CNTNAP2: variants seen among roughly 807,000 people sequenced by gnomAD.
CNTNAP2 encodes contactin-associated protein-like 2.
CNTNAP2 carries 98 observed loss-of-function variants against 155.2 expected under a neutral mutation model. That is an observed-to-expected ratio of 0.63 (90% CI 0.54 to 0.75). The LOEUF (loss-of-function observed/expected upper bound fraction) is 0.75. Ranked by LOEUF, CNTNAP2 falls within the 30% of genes least tolerant of loss-of-function variation. The probability of loss-of-function intolerance (pLI) is 0.00; values close to 1 mark genes in which losing one functional copy is unlikely to be tolerated. For missense variants in CNTNAP2, 1,727 were observed against 1,688.1 expected (o/e 1.02, Z -0.40); for synonymous variants, 651 against 631.2 (o/e 1.03, Z -0.47).
intron 12 of CNTNAP2, among the ~76,000 whole-genome samples, chr7:147,572,717 C>T (rs1267143958): frequency 6.6e-6 from 1 of 151,828 alleles, no homozygotes; most frequent in African/African-American, 2.4e-5. Flanking sequence ...CACACACACA[C>T]ACACACACAC....
chr7:148,410,916 C>T (rs1298299815), intron 23 of CNTNAP2, among the ~76,000 whole-genome samples: 2 of 152,152 alleles, frequency 1.3e-5, no homozygotes, highest in Non-Finnish European at 2.9e-5. Context: ...ATGTACTGTA[C>T]TTGGTTGATG....
At chr7:146,248,271 T>C (rs1799696885) in intron 1 of CNTNAP2, among the ~76,000 whole-genome samples, 3 of 151,608 alleles carry the variant, frequency 2.0e-5, no homozygotes, top group Admixed American at 2.0e-4. Context: ...GGAGAAGGGG[T>C]TGGGGGTTTC....
intron 3 of CNTNAP2, among the ~76,000 whole-genome samples, chr7:146,952,716 T>TA (rs1563018424): frequency 6.6e-6 from 1 of 152,070 alleles, no homozygotes; most frequent in African/African-American, 2.4e-5. Flanking sequence ...GAATACAACT[T>TA]ACAAGGGATG....
intron 12 of CNTNAP2, among the ~76,000 whole-genome samples, chr7:147,587,372 C>T (rs6967857): frequency 0.69 from 105,075 of 152,080 alleles, 36,866 homozygotes; most frequent in African/African-American, 0.81. Flanking sequence ...GGTGAGCCTT[C>T]CTCTGTGCAA....
At chr7:146,309,219 G>A (rs145751330) in intron 1 of CNTNAP2, among the ~76,000 whole-genome samples, 136 of 152,144 alleles carry the variant, frequency 8.9e-4, no homozygotes, top group African/African-American at 3.2e-3. Flanking sequence ...ACTTCGGAGC[G>A]AGTCATTTTG....
intron 3 of CNTNAP2, among the ~76,000 whole-genome samples, chr7:147,003,935 G>A (rs947760183): frequency 3.3e-5 from 5 of 151,988 alleles, no homozygotes; most frequent in African/African-American, 1.2e-4. Flanking sequence ...AGGTGGCTGA[G>A]GCAGAAAGAT....
intron 1 of CNTNAP2, among the ~76,000 whole-genome samples, chr7:146,506,949 C>T (rs765487492): frequency 1.3e-4 from 20 of 152,102 alleles, no homozygotes; most frequent in African/African-American, 1.9e-4. Flanking sequence ...TGTTTAGGGG[C>T]GCCTCAGGCT....
chr7:147,791,413 A>G (rs868823050), intron 13 of CNTNAP2, among the ~76,000 whole-genome samples: 1 of 147,016 alleles, frequency 6.8e-6, no homozygotes, highest in Non-Finnish European at 1.5e-5. Flanking sequence ...TTTGATATAT[A>G]TAGTCTTTCT....
chr7:146,366,476 C>G (rs980642888), intron 1 of CNTNAP2, among the ~76,000 whole-genome samples: 6 of 152,160 alleles, frequency 3.9e-5, no homozygotes, highest in African/African-American at 1.4e-4. Flanking sequence ...TGTCACATTA[C>G]TCTTCAGACA....
chr7:146,762,047 A>C (rs1802111389), intron 1 of CNTNAP2, among the ~76,000 whole-genome samples: 1 of 152,226 alleles, frequency 6.6e-6, no homozygotes, highest in Non-Finnish European at 1.5e-5. Context: ...TACATTGTTT[A>C]AGATAAATTC....
At chr7:147,050,213 G>A (rs1278643648) in intron 4 of CNTNAP2, among the ~76,000 whole-genome samples, 1 of 152,088 alleles carries the variant, frequency 6.6e-6, no homozygotes, top group African/African-American at 2.4e-5. Context: ...CGATACCAGT[G>A]GGACTTCATA....
At chr7:146,937,608 G>A (rs909427574) in intron 3 of CNTNAP2, among the ~76,000 whole-genome samples, 6 of 151,770 alleles carry the variant, frequency 4.0e-5, no homozygotes, top group Non-Finnish European at 8.8e-5. Context: ...CTGGGACAAG[G>A]CTGCAAAGGT....
intron 8 of CNTNAP2, among the ~76,000 whole-genome samples, chr7:147,216,064 C>A (rs1284259814): frequency 6.9e-6 from 1 of 145,978 alleles, no homozygotes; most frequent in Non-Finnish European, 1.5e-5. Flanking sequence ...TTAAAAGTTT[C>A]TTTTATGTTT....
chr7:148,030,436 T>C (rs1456814490), intron 15 of CNTNAP2, among the ~76,000 whole-genome samples: 1 of 152,204 alleles, frequency 6.6e-6, no homozygotes, highest in Non-Finnish European at 1.5e-5. Flanking sequence ...TTGTCTTTAA[T>C]AGTTGCAGTT....
At chr7:146,738,036 G>C (rs1801650358) in intron 1 of CNTNAP2, among the ~76,000 whole-genome samples, 3 of 152,064 alleles carry the variant, frequency 2.0e-5, no homozygotes, top group Non-Finnish European at 4.4e-5. Context: ...AATATGCCTA[G>C]TAGTGGGATT....
At chr7:148,177,742 CA>C (rs1794963956) in intron 18 of CNTNAP2, among the ~76,000 whole-genome samples, 1 of 152,114 alleles carries the variant, frequency 6.6e-6, no homozygotes, top group East Asian at 1.9e-4. Context: ...TAGTAAGAGG[CA>C]AGACTCCCTT....
intron 18 of CNTNAP2, among the ~76,000 whole-genome samples, chr7:148,176,576 C>T (rs1794940781): frequency 6.6e-6 from 1 of 152,130 alleles, no homozygotes; most frequent in South Asian, 2.1e-4. Flanking sequence ...AGTGTTAGCT[C>T]TCCCAGGGCT....
chr7:146,907,830 G>A lies in CNTNAP2; in HGVS notation c.402+67926G>A, dbSNP rs536294191. Among the ~76,000 whole-genome samples, 797 of 152,148 alleles carry A rather than the reference G, an allele frequency of 5.2e-3. 2 individuals are homozygous for A. The highest frequency in any genetic ancestry group is 7.7e-3 in the Non-Finnish European group (525 of 68,016). On this transcript the variant is annotated intron_variant, in intron 3 of 23. Transcript: ENST00000361727. ...AACTTTAAATGTAAATGGACTAAAT[G>A]CTCTAATTAAAAGACACAGACTGGC...
intron 15 of CNTNAP2, among the ~76,000 whole-genome samples, chr7:147,984,527 T>C (rs1169345111): frequency 1.3e-5 from 2 of 151,960 alleles, no homozygotes; most frequent in Admixed American, 1.3e-4. Flanking sequence ...TCAGAGCTGA[T>C]GTTAGGATAA....
Sources: gnomAD v4.1 joint callset for allele counts (sites outside exome capture counted in the v4.1 genomes callset) on GRCh38, gnomAD v4.1.1 for gene constraint, MANE v1.5 for transcripts, NCBI Gene and HGNC (gene_info 2026-07-23, HGNC 2026-07-21) for gene names.